TAF4: variants seen among roughly 807,000 people sequenced by gnomAD.
The protein encoded by TAF4 is TATA-box binding protein associated factor 4, also known as transcription initiation factor TFIID subunit 4.
A neutral mutation model predicts 90.3 loss-of-function variants in TAF4; 9 were observed. The observed-to-expected ratio is 0.10, with a 90% CI of 0.06 to 0.17. TAF4 has a LOEUF of 0.17. Among genes scored for constraint, TAF4 ranks in the 10% least tolerant of loss-of-function variants. TAF4 has a pLI of 1.00. For synonymous variants in TAF4, 818 were observed against 638.9 expected (o/e 1.28, Z -4.23); for missense variants, 1,351 against 1,370.7 (o/e 0.99, Z 0.23).
In TAF4 at chr20:62,006,930, TC is replaced by T; in HGVS notation, c.1975-173del. 1 of 814,096 alleles carries T rather than the reference TC, an allele frequency of 1.2e-6. No homozygotes were observed. Among genetic ancestry groups the T allele is most frequent in the Non-Finnish European group, 1.7e-6 (1 of 594,272 alleles). 50.4% of individuals were successfully genotyped at this position (814,096 alleles called of 1,614,324 possible). ...CAAGGGCCAGGACCCCATCCTGCCC[TC>T]CCACTAAGTGGGATTATTCCTGATA... is the stretch of plus-strand genomic sequence containing the variant. On this transcript the variant is annotated intron_variant, in intron 6 of 14. Transcript: ENST00000252996. The surrounding 1 kb of genome is among the most constrained non-coding windows in gnomAD (Gnocchi z 7.0).
At chr20:62,009,205 A>C in intron 4 of TAF4, 31 bp from the exon 5 acceptor site, 1 of 1,582,100 alleles carries the variant, frequency 6.3e-7, no homozygotes, top group South Asian at 1.2e-5. Context: ...ATAAGTGAAA[A>C]ATCTTAAAAG....
At position 62,010,742 on chromosome 20, in the gene TAF4, G is replaced by A. The variant is rs771679309; in HGVS notation, c.1642-577C>T. Among the ~76,000 whole-genome samples, 2 of 152,142 alleles carry A rather than the reference G, an allele frequency of 1.3e-5. No individual in the cohort carries two copies. Among genetic ancestry groups the A allele is most frequent in the East Asian group, 1.9e-4 (1 of 5,186 alleles). On this transcript the variant is annotated intron_variant, in intron 3 of 14. Coordinates refer to ENST00000252996, the MANE Select transcript of TAF4 (RefSeq NM_003185.4). This position sits in a 1 kb window ranked among gnomAD's most constrained non-coding sequence, Gnocchi z 4.5. ...AGAGGGGAGTTTTCAGAGCAGATTC[G>A]AGCAATGGAGGATGGGTCATCAGTG...
In TAF4 at chr20:61,985,891, G is replaced by A. The variant is rs1401231879; in HGVS notation, c.3091-9556C>T. Among the ~76,000 whole-genome samples, 11 of 149,416 alleles carry A rather than the reference G, an allele frequency of 7.4e-5. No homozygotes were observed. In the South Asian group the frequency reaches 8.5e-4, roughly 12 times the overall value. Reference sequence around the variant, plus strand: ...GAGTATGGTTCTAAACACCATCCCCGACCAAAGGAACCACCATCCCCGACC... The same window carrying A: ...GAGTATGGTTCTAAACACCATCCCCAACCAAAGGAACCACCATCCCCGACC... On this transcript the variant is annotated intron_variant, in intron 14 of 14. Coordinates refer to ENST00000252996, the MANE Select transcript of TAF4 (RefSeq NM_003185.4).
At chr20:61,999,764 C>A (rs1397013986) in intron 11 of TAF4, among the ~76,000 whole-genome samples, 3 of 152,134 alleles carry the variant, frequency 2.0e-5, no homozygotes, top group African/African-American at 7.2e-5. Flanking sequence ...TGGGCTACAT[C>A]GCGAGTCCCT....
chr20:62,000,830 GC>G, intron 9 of TAF4, 109 bp from the exon 10 acceptor site: 1 of 1,229,588 alleles, frequency 8.1e-7, no homozygotes, highest in Non-Finnish European at 1.2e-6. Flanking sequence ...CCGTGAGGAG[GC>G]CAGGCCTCTG....
chr20:62,006,453 C>T lies in TAF4; in HGVS notation c.2223+57G>A, dbSNP rs554850792. On this transcript the variant is annotated intron_variant, in intron 7 of 14. Transcript: ENST00000252996. This position sits in a 1 kb window ranked among gnomAD's most constrained non-coding sequence, Gnocchi z 7.0. ...AGCCGTGGCCAATTTATCTAAGAAG[C>T]GGGCGGGAGCAGAGGCACGGTGGGC... 535 of 1,347,446 alleles carry T rather than the reference C, an allele frequency of 4.0e-4. 9 individuals are homozygous for T. In the South Asian group the frequency reaches 7.7e-3, roughly 19 times the overall value. The allele number at this position is 1,347,446 out of a possible 1,614,324, so 83.5% of individuals were successfully genotyped here.
intron 1 of TAF4, among the ~76,000 whole-genome samples, chr20:62,025,456 C>T (rs1287985467): frequency 6.6e-6 from 1 of 152,192 alleles, no homozygotes; most frequent in African/African-American, 2.4e-5. Context: ...GTGTCCCCAC[C>T]AAACCTCATT....
intron 1 of TAF4, among the ~76,000 whole-genome samples, chr20:62,059,369 G>C (rs1317462227): frequency 6.6e-6 from 1 of 152,216 alleles, no homozygotes; most frequent in African/African-American, 2.4e-5. Flanking sequence ...AAAATCAAAA[G>C]TTTTCACTCA....
At chr20:62,013,502 G>A (rs1295454338) in intron 2 of TAF4, among the ~76,000 whole-genome samples, 2 of 152,266 alleles carry the variant, frequency 1.3e-5, no homozygotes, top group African/African-American at 4.8e-5. Flanking sequence ...GTCCCACTCA[G>A]CAGACAGATG....
intron 1 of TAF4, among the ~76,000 whole-genome samples, chr20:62,049,607 A>T (rs1014667116): frequency 9.8e-6 from 1 of 102,114 alleles, no homozygotes; most frequent in Non-Finnish European, 2.2e-5. Context: ...ACCTGCAGAG[A>T]AGCACCACGG....
rs1452302000 is a variant in TAF4, at chr20:62,026,024, ACGC to A, written c.1361-11320_1361-11318del. Reference sequence around the variant, plus strand: ...CACCCCAGTAAAGCTCTTAAAACACACGCAGAGAGCCCTTAGAGAGCAAGAAAA... The same window carrying A: ...CACCCCAGTAAAGCTCTTAAAACACAAGAGAGCCCTTAGAGAGCAAGAAAA... On this transcript the variant is annotated intron_variant, in intron 1 of 14. Coordinates refer to ENST00000252996, the MANE Select transcript of TAF4 (RefSeq NM_003185.4). 6.6e-5 allele frequency among the ~76,000 whole-genome samples: 10 copies of A among 152,322 alleles called. No homozygotes were observed. In the South Asian group the frequency reaches 2.1e-3, roughly 32 times the overall value.
intron 5 of TAF4, 177 bp from the exon 6 acceptor site, chr20:62,007,813 C>T (rs778023439): frequency 1.8e-6 from 1 of 569,634 alleles, no homozygotes; most frequent in South Asian, 2.1e-5. Flanking sequence ...GACAGGCGCT[C>T]ACCCTGGACA....
At chr20:62,063,876 C>T (rs1379316177) in intron 1 of TAF4, among the ~76,000 whole-genome samples, 3 of 152,260 alleles carry the variant, frequency 2.0e-5, no homozygotes, top group African/African-American at 7.2e-5. Flanking sequence ...CCCAAGCCTT[C>T]CATCCAGAGT....
chr20:61,995,994 G>C (rs1298885621), intron 14 of TAF4, among the ~76,000 whole-genome samples: 1 of 152,086 alleles, frequency 6.6e-6, no homozygotes, highest in East Asian at 1.9e-4. Context: ...TGAATATCCT[G>C]AGAACCACAG....
intron 1 of TAF4, among the ~76,000 whole-genome samples, chr20:62,048,212 A>G (rs11699442): frequency 0.55 from 84,063 of 152,168 alleles, 23,657 homozygotes; most frequent in Middle Eastern, 0.66. Context: ...CCCAAGTCCC[A>G]GATGAGAAAG....
At chr20:62,060,578 G>A (rs749631778) in intron 1 of TAF4, among the ~76,000 whole-genome samples, 11 of 152,256 alleles carry the variant, frequency 7.2e-5, no homozygotes, top group African/African-American at 1.9e-4. Flanking sequence ...GACCCAGAGC[G>A]GCGCCCTTGC....
intron 1 of TAF4, among the ~76,000 whole-genome samples, chr20:62,016,516 C>A (rs1195609839): frequency 1.3e-5 from 2 of 152,180 alleles, no homozygotes; most frequent in African/African-American, 4.8e-5. Context: ...ACTTCAGACT[C>A]CAAGTTCTTC....
In TAF4 at chr20:62,021,954, C is replaced by CG. The variant is rs940296482; in HGVS notation, c.1361-7248dup. ...TGGGGAGCAGGGCAGGTCCAAAGCC[C>CG]GGGAGGGCGCTCCGAAACTCAGGCA... On this transcript the variant is annotated intron_variant, in intron 1 of 14. Transcript: ENST00000252996. Among the ~76,000 whole-genome samples the CG allele has an allele frequency of 3.3e-5, 5 of 152,246 alleles. No homozygotes were observed. In the East Asian group the frequency reaches 9.7e-4, roughly 29 times the overall value.
intron 14 of TAF4, among the ~76,000 whole-genome samples, chr20:61,979,806 C>T (rs1352565401): frequency 7.2e-6 from 1 of 138,858 alleles, no homozygotes; most frequent in East Asian, 2.2e-4. Flanking sequence ...GTGCAGGCGC[C>T]GTGGCCACTC....
Sources: gnomAD v4.1 joint callset for allele counts (sites outside exome capture counted in the v4.1 genomes callset) on GRCh38, gnomAD v4.1.1 for gene constraint, Gnocchi (gnomAD v3.1) non-coding constraint, MANE v1.5 for transcripts, NCBI Gene and HGNC (gene_info 2026-07-23, HGNC 2026-07-21) for gene names.